INTS2: variants seen among roughly 807,000 people sequenced by gnomAD.
The protein encoded by INTS2 is KIAA1287.
INTS2 carries 57 observed loss-of-function variants against 139.6 expected under a neutral mutation model. That is an observed-to-expected ratio of 0.41 (90% CI 0.33 to 0.51). INTS2 has a LOEUF of 0.51. Among genes scored for constraint, INTS2 ranks in the 20% least tolerant of loss-of-function variants. The pLI is 0.28. For synonymous variants in INTS2, 473 were observed against 493.4 expected, an observed-to-expected ratio of 0.96 and a Z score of 0.55; for missense variants, 1,196 against 1,436.7, an observed-to-expected ratio of 0.83 and a Z score of 2.71.
intron 5 of INTS2, among the ~76,000 whole-genome samples, chr17:61,915,818 A>G (rs113244376): frequency 3.7e-5 from 5 of 135,548 alleles, no homozygotes; most frequent in African/African-American, 1.6e-4. Flanking sequence ...ACTCTGTCTA[A>G]AAAAAAAAAA....
rs1603371149 is a variant in INTS2, at chr17:61,869,411, G to A, written c.3031-31C>T. On this transcript the variant is annotated intron_variant, in intron 21 of 24. Coordinates refer to ENST00000251334, the MANE Select transcript of INTS2 (RefSeq NM_001351695.2). This position sits in a 1 kb window ranked among gnomAD's most constrained non-coding sequence, Gnocchi z 5.4. ...TCAACAAGAAACGGGAAAAAAGTCAGAAATAAAATAACTATAAAAGTACAG... is the reference window on the plus strand; with the variant it reads ...TCAACAAGAAACGGGAAAAAAGTCAAAAATAAAATAACTATAAAAGTACAG... 4 of 1,335,760 alleles carry A rather than the reference G, an allele frequency of 3.0e-6. No homozygotes were observed. The South Asian group carries it at 3.9e-5, about 13-fold the overall frequency. 82.7% of individuals were successfully genotyped at this position (1,335,760 alleles called of 1,614,324 possible).
chr17:61,878,929 T>TC lies in INTS2; in HGVS notation c.2255-842dup, dbSNP rs1166307398. 3.8e-4 allele frequency among the ~76,000 whole-genome samples: 5 copies of TC among 13,076 alleles called. 1 individual carries two copies. Among genetic ancestry groups the TC allele is most frequent in the Non-Finnish European group, 2.2e-4 (2 of 9,116 alleles). 8.6% of individuals were successfully genotyped at this position (13,076 alleles called of 152,430 possible). ...TTGAGACTGGGCAACAGACCCTGTCTCCAAAAAAAAAAAAAAAAAAAAAAA... is the reference window on the plus strand; with the variant it reads ...TTGAGACTGGGCAACAGACCCTGTCTCCCAAAAAAAAAAAAAAAAAAAAAAA... On this transcript the variant is annotated intron_variant, in intron 17 of 24. Transcript: ENST00000251334.
chr17:61,914,873 C>CAA (rs749701339), intron 5 of INTS2, among the ~76,000 whole-genome samples: 5 of 116,682 alleles, frequency 4.3e-5, no homozygotes, highest in Middle Eastern at 4.8e-3. Context: ...GACACTATCT[C>CAA]AAAAAAAAAA....
intron 4 of INTS2, among the ~76,000 whole-genome samples, chr17:61,919,769 C>T (rs2079620467): frequency 6.6e-6 from 1 of 151,948 alleles, no homozygotes; most frequent in Admixed American, 6.6e-5. Flanking sequence ...TGCTTTGTTG[C>T]CCAGGCTACA....
In INTS2 at chr17:61,904,511, C is replaced by A. The variant is rs1039906595; in HGVS notation, c.1256G>T (p.Arg419Leu). The stretch of plus-strand genomic sequence containing the variant: ...CATACAAAAGGAAAGTGAAACAAAG[C>A]GAACCCCAGCTGGCGTAGCAGGAGG... ...SRPPATPAGV[R>L]FVSLSFCMLL... The change falls in exon 9 of 25, where the codon CGC (arginine) becomes CTC (leucine). Residue 419 changes from arginine to leucine, a missense_variant. Transcript: ENST00000251334. 1 of 1,611,610 alleles carries A rather than the reference C, an allele frequency of 6.2e-7. No homozygotes were observed. Among genetic ancestry groups the A allele is most frequent in the Non-Finnish European group, 8.5e-7 (1 of 1,178,404 alleles).
At chr17:61,905,298 T>C (rs1280645680) in intron 8 of INTS2, among the ~76,000 whole-genome samples, 1 of 152,100 alleles carries the variant, frequency 6.6e-6, no homozygotes, top group African/African-American at 2.4e-5. Context: ...TAATTGAAAA[T>C]ATTAGAAACA....
In INTS2 at chr17:61,911,556, C is replaced by T. The variant is rs2079526466; in HGVS notation, c.918G>A (p.Arg306=). 1 of 1,613,970 alleles carries T rather than the reference C, an allele frequency of 6.2e-7. No individual in the cohort carries two copies. Among genetic ancestry groups the T allele is most frequent in the Non-Finnish European group, 8.5e-7 (1 of 1,179,890 alleles). Residue 306 remains arginine, a synonymous_variant, in exon 7 of 25, where the codon CGG becomes CGA. Coordinates refer to ENST00000251334, the MANE Select transcript of INTS2 (RefSeq NM_001351695.2). ...GLLLGTNAKV[R]TWFGTFIRNG... is the part of the protein sequence containing the mutation. Reference sequence around the variant, plus strand: ...TTCGGATAAAAGTTCCAAACCAAGTCCGGACTTTCGCATTTGTTCCAAGAA... The same window carrying T: ...TTCGGATAAAAGTTCCAAACCAAGTTCGGACTTTCGCATTTGTTCCAAGAA...
chr17:61,880,842 G>C (rs2145912537), intron 17 of INTS2, among the ~76,000 whole-genome samples, 165 bp downstream of exon 17: 1 of 151,860 alleles, frequency 6.6e-6, no homozygotes, highest in Non-Finnish European at 1.5e-5. Flanking sequence ...GGGGAAGGGA[G>C]CATAAAATTC....
intron 4 of INTS2, among the ~76,000 whole-genome samples, chr17:61,920,486 C>CTT (rs1187583288): frequency 3.9e-4 from 42 of 106,470 alleles, no homozygotes; most frequent in Non-Finnish European, 4.6e-4. Flanking sequence ...CTGGCCTATA[C>CTT]TTTTTTTTTT....
At position 61,867,609 on chromosome 17, in the gene INTS2, C is replaced by G; in HGVS notation, c.3539G>C (p.Cys1180Ser). The G allele has an allele frequency of 6.2e-7, 1 of 1,610,878 alleles. No homozygotes were observed. Among genetic ancestry groups the G allele is most frequent in the Non-Finnish European group, 8.5e-7 (1 of 1,177,596 alleles). Reference protein sequence around the residue: ...SMDPDVQLCHCIERTVIEIIN... With the variant: ...SMDPDVQLCHSIERTVIEIIN... The stretch of plus-strand genomic sequence containing the variant: ...TATTTCAATTACTGTTCTTTCAATA[C>G]AGTGACAGAGCTGTACATCAGGATC... The change falls in exon 25 of 25, where the codon TGT (cysteine) becomes TCT (serine). Residue 1180 changes from cysteine (C) to serine (S), a missense_variant. Physicochemically the swap from Cys to Ser is moderately radical, Grantham distance 112. Around this residue, in one of 3 missense-constraint regions of INTS2, gnomAD observed 1,129 missense variants for 1,341.9 expected, o/e 0.84. Coordinates refer to ENST00000251334, the MANE Select transcript of INTS2 (RefSeq NM_001351695.2). The surrounding 1 kb of genome is among the most constrained non-coding windows in gnomAD (Gnocchi z 5.6).
chr17:61,909,918 A>G lies in INTS2; in HGVS notation c.954+1602T>C, dbSNP rs1163547937. Among the ~76,000 whole-genome samples, 2 of 151,948 alleles carry G rather than the reference A, an allele frequency of 1.3e-5. No homozygotes were observed. The highest frequency in any genetic ancestry group is 2.4e-5 in the African/African-American group (1 of 41,326). On this transcript the variant is annotated intron_variant, in intron 7 of 24. Transcript: ENST00000251334. The surrounding 1 kb of genome is among the most constrained non-coding windows in gnomAD (Gnocchi z 4.9). ...GTTGATAGATGCTTAGGTTGATTCC[A>G]TAACATTGCTACTGTGAATAGTGCT...
chr17:61,888,314 G>A (rs1050182425), intron 15 of INTS2, among the ~76,000 whole-genome samples: 1 of 151,948 alleles, frequency 6.6e-6, no homozygotes, highest in Non-Finnish European at 1.5e-5. Context: ...GCTACACTGA[G>A]CCATGTTCAT....
At chr17:61,906,516 T>C (rs1033421260) in intron 8 of INTS2, among the ~76,000 whole-genome samples, 1 of 152,180 alleles carries the variant, frequency 6.6e-6, no homozygotes, top group African/African-American at 2.4e-5. Context: ...ACAAACTCTA[T>C]ACAATTAACT....
At chr17:61,920,548 A>G (rs1325039723) in intron 4 of INTS2, among the ~76,000 whole-genome samples, 1 of 141,978 alleles carries the variant, frequency 7.0e-6, no homozygotes, top group East Asian at 2.1e-4. Context: ...GCTTATGCCT[A>G]TAATCCCAGC....
chr17:61,907,408 T>A lies in INTS2; in HGVS notation c.1181A>T (p.Lys394Ile). 1 of 1,573,256 alleles carries A rather than the reference T, an allele frequency of 6.4e-7. No individual in the cohort carries two copies. Among genetic ancestry groups the A allele is most frequent in the Non-Finnish European group, 8.6e-7 (1 of 1,157,900 alleles). The change falls in exon 8 of 25, where the codon AAA (lysine) becomes ATA (isoleucine). Residue 394 changes from lysine (K) to isoleucine (I), a missense_variant and splice_region_variant. Lys to Ile is a moderately radical substitution (Grantham distance 102). This residue lies in a region of INTS2 where 1,129 missense variants were observed against 1,341.9 expected (regional missense o/e 0.84). Coordinates refer to ENST00000251334, the MANE Select transcript of INTS2 (RefSeq NM_001351695.2). The part of the protein sequence containing the change: ...YCALMGIAGL[K>I]PTEEEAEQLL... ...GGTAAAATATCAAACTATTGAATACTTGAGTCCAGCGATCCCCATCAAAGC... is the reference window on the plus strand; with the variant it reads ...GGTAAAATATCAAACTATTGAATACATGAGTCCAGCGATCCCCATCAAAGC...
intron 11 of INTS2, among the ~76,000 whole-genome samples, chr17:61,896,158 T>C (rs1166747006): frequency 4.9e-5 from 7 of 144,102 alleles, no homozygotes; most frequent in Admixed American, 3.8e-4. Context: ...GAGAATGGCA[T>C]GAACCTGGGA....
chr17:61,924,450 T>C (rs917284805), intron 3 of INTS2, among the ~76,000 whole-genome samples: 4 of 152,144 alleles, frequency 2.6e-5, no homozygotes, highest in African/African-American at 9.7e-5. Context: ...GAGAAAATGA[T>C]AATTAAGAGA....
intron 8 of INTS2, among the ~76,000 whole-genome samples, chr17:61,905,763 T>C (rs2079456401): frequency 1.3e-5 from 2 of 152,120 alleles, no homozygotes; most frequent in African/African-American, 2.4e-5. Flanking sequence ...AATGGTGCAA[T>C]CTTAGCTCAC....
chr17:61,891,429 C>A (rs2079292341), intron 14 of INTS2, 84 bp downstream of exon 14: 3 of 1,050,684 alleles, frequency 2.9e-6, no homozygotes, highest in Non-Finnish European at 4.3e-6. Flanking sequence ...TAGAAGTCCT[C>A]TGATAGGAAA....
Sources: gnomAD v4.1 joint callset for allele counts (sites outside exome capture counted in the v4.1 genomes callset) on GRCh38, gnomAD v4.1.1 for gene constraint, gnomAD v4.1.1 regional missense constraint, Gnocchi (gnomAD v3.1) non-coding constraint, MANE v1.5 for transcripts, NCBI Gene and HGNC (gene_info 2026-07-23, HGNC 2026-07-21) for gene names.